The following DPP6 variants were observed in gnomAD, a reference collection of about 807,000 sequenced individuals.
The protein encoded by DPP6 is A-type potassium channel modulatory protein DPP6.
DPP6 carries 69 observed loss-of-function variants against 122.6 expected under a neutral mutation model. The ratio of observed to expected loss-of-function variants is 0.56; its 90% CI spans 0.46 to 0.69. The LOEUF (loss-of-function observed/expected upper bound fraction) is 0.69. Ranked by LOEUF, DPP6 falls within the 30% of genes least tolerant of loss-of-function variation. DPP6 has a pLI of 0.00. For missense variants in DPP6, 928 were observed against 1,116.9 expected, an observed-to-expected ratio of 0.83 and a Z score of 2.41; for synonymous variants, 418 against 433.1, an observed-to-expected ratio of 0.97 and a Z score of 0.43.
chr7:153,983,716 G>C (rs950454885), intron 1 of DPP6, among the ~76,000 whole-genome samples: 12 of 151,936 alleles, frequency 7.9e-5, no homozygotes, highest in Non-Finnish European at 1.5e-4. Context: ...GGGTTGTGAA[G>C]ACCGTGGGAA....
At chr7:154,159,218 C>T (rs967645724) in intron 1 of DPP6, among the ~76,000 whole-genome samples, 19 of 152,196 alleles carry the variant, frequency 1.2e-4, no homozygotes, top group Admixed American at 2.0e-4. Flanking sequence ...GTTCCTGGCA[C>T]CTCTCTTGGC....
intron 16 of DPP6, among the ~76,000 whole-genome samples, chr7:154,825,819 G>A (rs1390397355): frequency 1.3e-5 from 2 of 152,210 alleles, no homozygotes; most frequent in Admixed American, 6.5e-5. Flanking sequence ...AAACAAACCT[G>A]CAACATTCCC....
chr7:154,365,053 A>G (rs891833595), intron 1 of DPP6, among the ~76,000 whole-genome samples: 4 of 152,198 alleles, frequency 2.6e-5, no homozygotes, highest in Admixed American at 1.3e-4. Context: ...ATACCACCAA[A>G]TAACTGGCTC....
intron 4 of DPP6, among the ~76,000 whole-genome samples, chr7:154,561,315 C>T (rs544851448): frequency 3.3e-5 from 5 of 152,236 alleles, no homozygotes; most frequent in South Asian, 2.1e-4. Flanking sequence ...TCTGAGTGCA[C>T]GTGAAACATT....
At chr7:154,794,415 A>T (rs1355967130) in intron 11 of DPP6, among the ~76,000 whole-genome samples, 1 of 152,100 alleles carries the variant, frequency 6.6e-6, no homozygotes, top group Non-Finnish European at 1.5e-5. Flanking sequence ...GACCGAACCC[A>T]TCCGTGAATT....
chr7:154,849,724 T>A (rs543946298), intron 16 of DPP6, among the ~76,000 whole-genome samples: 80 of 152,312 alleles, frequency 5.3e-4, no homozygotes, highest in African/African-American at 1.8e-3. Flanking sequence ...GTGGTGAGAG[T>A]GGGCATCCTT....
intron 1 of DPP6, among the ~76,000 whole-genome samples, chr7:154,034,376 G>A (rs1371061674): frequency 6.6e-6 from 1 of 152,184 alleles, no homozygotes; most frequent in East Asian, 1.9e-4. Context: ...AGTTCACACA[G>A]AGGATGTGGA....
At chr7:154,210,775 A>C (rs1799696097) in intron 1 of DPP6, among the ~76,000 whole-genome samples, 2 of 152,054 alleles carry the variant, frequency 1.3e-5, no homozygotes, top group Non-Finnish European at 2.9e-5. Flanking sequence ...CTGAGTTCCT[A>C]GAAAGAGCAA....
chr7:154,841,762 C>G (rs1490924581), intron 16 of DPP6, among the ~76,000 whole-genome samples: 1 of 151,730 alleles, frequency 6.6e-6, no homozygotes, highest in Non-Finnish European at 1.5e-5. Context: ...TTTCCACGGC[C>G]CCCCTCGAGC....
chr7:154,881,182 C>T (rs1245427539), intron 21 of DPP6: 15 of 590,146 alleles, frequency 2.5e-5, no homozygotes, highest in Non-Finnish European at 3.7e-5. Flanking sequence ...GCCAAGTCCC[C>T]GCAGGAGAGC....
the DPP6 span, among the ~76,000 whole-genome samples, chr7:153,759,937 TTC>T: frequency 6.6e-6 from 1 of 150,462 alleles, no homozygotes; most frequent in East Asian, 2.0e-4. Flanking sequence ...CTCTCTCTGT[TTC>T]TGTCTCTCTC....
At chr7:154,847,826 C>T (rs896101538) in intron 16 of DPP6, among the ~76,000 whole-genome samples, 2 of 152,156 alleles carry the variant, frequency 1.3e-5, no homozygotes, top group Non-Finnish European at 2.9e-5. Context: ...CCCCACCTGC[C>T]GCCCCCTCAC....
At chr7:153,887,324 G>A in exon 1 of DPP6, 1 of 179,814 alleles carries the variant, frequency 5.6e-6, no homozygotes, top group South Asian at 1.5e-4. Flanking sequence ...CGAGCTCGGT[G>A]GACACGCGCG....
At chr7:154,254,423 T>A (rs1802533968) in intron 1 of DPP6, among the ~76,000 whole-genome samples, 1 of 152,224 alleles carries the variant, frequency 6.6e-6, no homozygotes, top group South Asian at 2.1e-4. Context: ...CAATTTAAAA[T>A]CCATGAAGTG....
At chr7:154,402,582 A>G (rs1181218300) in intron 1 of DPP6, among the ~76,000 whole-genome samples, 1 of 128,322 alleles carries the variant, frequency 7.8e-6, no homozygotes, top group Non-Finnish European at 1.6e-5. Context: ...GGAACATCAC[A>G]CTCTGGGGAC....
At chr7:154,118,673 C>CAAACT (rs151051087) in intron 1 of DPP6, among the ~76,000 whole-genome samples, 108,624 of 145,278 alleles carry the variant, frequency 0.75, 41,569 homozygotes, top group Middle Eastern at 0.88. Context: ...TCATACAAAC[C>CAAACT]AAACGTGTAC....
intron 7 of DPP6, among the ~76,000 whole-genome samples, chr7:154,685,302 C>T (rs1839530799): frequency 6.6e-6 from 1 of 152,312 alleles, no homozygotes; most frequent in African/African-American, 2.4e-5. Flanking sequence ...CAGCCTGGTA[C>T]ACATTTAGGG....
At chr7:154,668,066 ACCTT>A (rs1277111374) in intron 6 of DPP6, among the ~76,000 whole-genome samples, 2 of 148,564 alleles carry the variant, frequency 1.3e-5, no homozygotes, top group Non-Finnish European at 3.0e-5. Flanking sequence ...TAGCCCCTTC[ACCTT>A]CCTTCCCTTC....
chr7:153,912,932 T>C (rs1183417335), intron 1 of DPP6, among the ~76,000 whole-genome samples: 27 of 152,190 alleles, frequency 1.8e-4, no homozygotes, highest in Admixed American at 1.7e-3. Context: ...AAGATGAGTG[T>C]AAACCACTTC....
Sources: allele counts gnomAD v4.1 joint callset (sites outside exome capture counted in the v4.1 genomes callset), GRCh38; gene constraint gnomAD v4.1.1; transcripts MANE v1.5; gene names NCBI Gene and HGNC (gene_info 2026-07-23, HGNC 2026-07-21).